TTLL8: variants seen among roughly 807,000 people sequenced by gnomAD.
The protein encoded by TTLL8 is tubulin tyrosine ligase like 8.
A neutral mutation model predicts 77.8 loss-of-function variants in TTLL8; 65 were observed. The ratio of observed to expected loss-of-function variants is 0.84; its 90% CI spans 0.68 to 1.03. The LOEUF (loss-of-function observed/expected upper bound fraction) is 1.03, where lower values mean the gene tolerates loss of function less well. Ranked by LOEUF, TTLL8 falls within the 50% of genes least tolerant of loss-of-function variation. The pLI is 0.00. For synonymous variants in TTLL8, 402 were observed against 422.8 expected (o/e 0.95, Z 0.60); for missense variants, 910 against 1,004.5 (o/e 0.91, Z 1.27).
chr22:50,055,932 A>T (rs1184313945), upstream of TTLL8, among the ~76,000 whole-genome samples: 1 of 152,176 alleles, frequency 6.6e-6, no homozygotes, highest in Non-Finnish European at 1.5e-5. Flanking sequence ...AAGTCACAGG[A>T]TGAGATAGGA....
intron 8 of TTLL8, among the ~76,000 whole-genome samples, chr22:50,039,519 A>G (rs567884351): frequency 3.9e-5 from 6 of 152,378 alleles, no homozygotes; most frequent in Non-Finnish European, 7.3e-5. Flanking sequence ...AGAAATACAA[A>G]GAAACTACTT....
intron 12 of TTLL8, among the ~76,000 whole-genome samples, chr22:50,021,766 T>TGACGTGCACTCCTCCATCTGAC (rs1555951969): frequency 2.2e-5 from 3 of 136,488 alleles, no homozygotes; most frequent in Non-Finnish European, 3.1e-5. Context: ...CTCCTCCATC[T>TGACGTGCACTCCTCCATCTGAC]GACGTGCACT....
rs371979830 is a variant in TTLL8, at chr22:50,045,987, G to C, written c.394-17C>G. 6.7e-6 allele frequency: 9 copies of C among 1,335,750 alleles called. No homozygotes were observed. In the South Asian group the frequency reaches 8.3e-5, roughly 12 times the overall value. 82.7% of individuals were successfully genotyped at this position (1,335,750 alleles called of 1,614,324 possible). A position where few individuals can be genotyped will look rare whatever the true frequency, so the allele number is the denominator to read the frequency against. ...CAGCCCGATCTCCAGAGACAGTGGC[G>C]TGTTAGGCAGGAGGGGCAGCTCAGC... is the stretch of plus-strand genomic sequence containing the variant. On this transcript the variant is annotated splice_polypyrimidine_tract_variant and intron_variant, in intron 4 of 13. Transcript: ENST00000266182.
In TTLL8 at chr22:50,041,825, G is replaced by C. The variant is rs1330641806; in HGVS notation, c.644-18C>G. On this transcript the variant is annotated intron_variant, in intron 6 of 13. Coordinates refer to ENST00000266182, the Ensembl canonical transcript of TTLL8. This position sits in a 1 kb window ranked among gnomAD's most constrained non-coding sequence, Gnocchi z 4.3. ...TTCAGCATCTGAAACCCAGACACAGGCACATGCAGTGGGAACCTCACCCAG... is the reference window on the plus strand; with the variant it reads ...TTCAGCATCTGAAACCCAGACACAGCCACATGCAGTGGGAACCTCACCCAG... 7.4e-7 allele frequency: 1 copy of C among 1,354,128 alleles called. No individual in the cohort carries two copies. The highest frequency in any genetic ancestry group is 2.0e-5 in the Admixed American group (1 of 50,252). The allele number at this position is 1,354,128 out of a possible 1,614,324, so 83.9% of individuals were successfully genotyped here.
chr22:50,025,464 A>AC (rs2061225775), intron 12 of TTLL8, among the ~76,000 whole-genome samples: 1 of 151,868 alleles, frequency 6.6e-6, no homozygotes, highest in South Asian at 2.1e-4. Flanking sequence ...ACATGGTGAA[A>AC]CCCCGTCTCT....
chr22:50,040,178 A>C (rs973720968), intron 8 of TTLL8, among the ~76,000 whole-genome samples: 7 of 151,800 alleles, frequency 4.6e-5, no homozygotes, highest in Admixed American at 3.3e-4. Context: ...CATGTGTGCC[A>C]GCGTGGACGG....
chr22:50,040,831 C>T (rs924566713), intron 8 of TTLL8, among the ~76,000 whole-genome samples: 8 of 152,154 alleles, frequency 5.3e-5, no homozygotes, highest in African/African-American at 1.2e-4. Context: ...GCTCATGCTC[C>T]GGGGGTGCCA....
intron 8 of TTLL8, among the ~76,000 whole-genome samples, chr22:50,039,357 C>G (rs1186391233): frequency 6.6e-6 from 1 of 151,960 alleles, no homozygotes; most frequent in Non-Finnish European, 1.5e-5. Flanking sequence ...TGCCTGTAAT[C>G]CCAGCACTAA....
chr22:50,045,746 G>C lies in TTLL8; in HGVS notation c.508+110C>G, dbSNP rs1028034019. On this transcript the variant is annotated intron_variant, in intron 5 of 13. Coordinates refer to ENST00000266182, the Ensembl canonical transcript of TTLL8. The stretch of plus-strand genomic sequence containing the variant: ...CCATGACCATGGGAGGCCTCTCCCC[G>C]GTCCTCTATCCTCAGACCCTGCCCC... 3.3e-6 allele frequency: 4 copies of C among 1,227,504 alleles called. No homozygotes were observed. In the African/African-American group the frequency reaches 4.7e-5, roughly 14 times the overall value. The allele number at this position is 1,227,504 out of a possible 1,614,324, so 76.0% of individuals were successfully genotyped here. A position where few individuals can be genotyped will look rare whatever the true frequency, so the allele number is the denominator to read the frequency against.
At chr22:50,031,895 G>T (rs1199371883) in exon 11 of TTLL8, 2 of 1,367,160 alleles carry the variant, frequency 1.5e-6, no homozygotes, top group Non-Finnish European at 2.0e-6. Context: ...TTCTTGCGAG[G>T]CTCCACGTGG....
Position 50,034,713 on chromosome 22 carries a change from G to A in TTLL8, c.922-251C>T, listed in dbSNP as rs1469580040. 6.6e-6 allele frequency among the ~76,000 whole-genome samples: 1 copy of A among 152,144 alleles called. No homozygotes were observed. The highest frequency in any genetic ancestry group is 1.5e-5 in the Non-Finnish European group (1 of 68,004). ...CAGACGAGGGCTGTGTTAAGACAGTGGGGACCCCGGTGTGTGGGTCGGAGC... is the reference window on the plus strand; with the variant it reads ...CAGACGAGGGCTGTGTTAAGACAGTAGGGACCCCGGTGTGTGGGTCGGAGC... On this transcript the variant is annotated intron_variant, in intron 8 of 13. Coordinates refer to ENST00000266182, the Ensembl canonical transcript of TTLL8. This position sits in a 1 kb window ranked among gnomAD's most constrained non-coding sequence, Gnocchi z 4.1.
rs1005359864 is a variant in TTLL8, at chr22:50,045,159, A to C, written c.643+96T>G. 9.0e-6 allele frequency: 11 copies of C among 1,215,556 alleles called. No individual in the cohort carries two copies. The African/African-American group carries it at 1.3e-4, about 14-fold the overall frequency. The allele number at this position is 1,215,556 out of a possible 1,614,324, so 75.3% of individuals were successfully genotyped here. On this transcript the variant is annotated intron_variant, in intron 6 of 13. Coordinates refer to ENST00000266182, the Ensembl canonical transcript of TTLL8. ...CGCTGTATCCAGCCCCGGCTGCTGC[A>C]ACCCTCAGGACTGACCACACCCAGG...
intron 11 of TTLL8, among the ~76,000 whole-genome samples, 159 bp from the exon 13 acceptor site, chr22:50,031,084 G>A (rs2061287953): frequency 6.6e-6 from 1 of 152,150 alleles, no homozygotes. Flanking sequence ...CCCCCAGGAG[G>A]CCCCCAGGCT....
chr22:50,054,675 C>A, upstream of TTLL8: 1 of 183,748 alleles, frequency 5.4e-6, no homozygotes, highest in Non-Finnish European at 1.3e-5. Context: ...GGACAAGCAC[C>A]CACCCTAGGA....
rs1601939898 is a variant in TTLL8, at chr22:50,052,523, T to A, written c.51+2053A>T. ...AATGAAGATAACAGACACACCTGAA[T>A]ACATCAACGGTTTAATTATAGATAA... is the stretch of plus-strand genomic sequence containing the variant. On this transcript the variant is annotated intron_variant, in intron 1 of 13. Coordinates refer to ENST00000266182, the Ensembl canonical transcript of TTLL8. Among the ~76,000 whole-genome samples, 9 of 152,256 alleles carry A rather than the reference T, an allele frequency of 5.9e-5. No individual in the cohort carries two copies. The South Asian group carries it at 1.9e-3, about 32-fold the overall frequency.
chr22:50,054,363 C>T (rs1055492502), intron 1 of TTLL8, among the ~76,000 whole-genome samples: 1 of 152,186 alleles, frequency 6.6e-6, no homozygotes, highest in African/African-American at 2.4e-5. Flanking sequence ...GGTCTCCTCC[C>T]TCCCCAAGGG....
At chr22:50,053,517 G>A (rs7286615) in intron 1 of TTLL8, among the ~76,000 whole-genome samples, 4 of 152,026 alleles carry the variant, frequency 2.6e-5, no homozygotes, top group African/African-American at 9.7e-5. Flanking sequence ...TACCCAGAGG[G>A]ATAGTTGTAG....
chr22:50,020,911 C>A (rs2061193360), intron 12 of TTLL8, among the ~76,000 whole-genome samples: 1 of 144,346 alleles, frequency 6.9e-6, no homozygotes, highest in African/African-American at 2.6e-5. Context: ...GACGTGCACT[C>A]CTCCATCTGA....
chr22:50,024,182 G>C (rs1204711974), intron 12 of TTLL8, among the ~76,000 whole-genome samples: 1 of 152,138 alleles, frequency 6.6e-6, no homozygotes, highest in African/African-American at 2.4e-5. Flanking sequence ...TGTCAACCAG[G>C]CTGGAGTGCA....
Sources: allele counts gnomAD v4.1 joint callset (sites outside exome capture counted in the v4.1 genomes callset), GRCh38; gene constraint gnomAD v4.1.1; non-coding constraint Gnocchi (gnomAD v3.1); transcripts MANE v1.5; gene names NCBI Gene and HGNC (gene_info 2026-07-23, HGNC 2026-07-21).